The following PIGN variants were observed in gnomAD, a reference collection of about 807,000 sequenced individuals.
PIGN encodes the protein GPI ethanolamine phosphate transferase 1.
A neutral mutation model predicts 125.4 loss-of-function variants in PIGN; 117 were observed. The observed-to-expected ratio is 0.93, with a 90% confidence interval of 0.80 to 1.09. The LOEUF is 1.09. Among genes scored for constraint, PIGN ranks in the 50% least tolerant of loss-of-function variants. PIGN has a pLI of 0.00. For missense variants in PIGN, 1,075 were observed against 1,094.9 expected, an observed-to-expected ratio of 0.98 and a Z score of 0.26; for synonymous variants, 392 against 377.8, an observed-to-expected ratio of 1.04 and a Z score of -0.44.
intron 30 of PIGN, 89 bp from the exon 31 acceptor site, chr18:62,046,068 T>C: frequency 1.5e-6 from 2 of 1,354,508 alleles, no homozygotes; most frequent in Non-Finnish European, 2.0e-6. Context: ...AATGGACAGA[T>C]GAAAATCTCC....
chr18:62,059,611 G>C (rs957132091), intron 30 of PIGN, among the ~76,000 whole-genome samples: 5 of 152,152 alleles, frequency 3.3e-5, no homozygotes, highest in Non-Finnish European at 5.9e-5. Flanking sequence ...AATCTGTAGA[G>C]ACAGAAAGCA....
chr18:62,091,704 C>G (rs892082467), intron 23 of PIGN, among the ~76,000 whole-genome samples: 2 of 152,102 alleles, frequency 1.3e-5, no homozygotes, highest in African/African-American at 4.8e-5. Flanking sequence ...GTGATAGAAG[C>G]CTTTTCTAAA....
rs147384293 is a variant in PIGN at position 62,105,880 on chromosome 18, A to G, written c.1768-246T>C. Among the ~76,000 whole-genome samples, 728 of 152,328 alleles carry G rather than the reference A, an allele frequency of 4.8e-3. 9 individuals carry two copies. The highest frequency in any genetic ancestry group is 0.017 in the African/African-American group (696 of 41,574). On this transcript the variant is annotated intron_variant, in intron 19 of 30. Transcript: ENST00000640252. The stretch of plus-strand genomic sequence containing the variant: ...TTAGGTATAATATGAGCACTTTCTC[A>G]TTTAATTCTCACAATAACCTCAAGA...
At chr18:62,062,103 T>G (rs1304870119) in intron 30 of PIGN, among the ~76,000 whole-genome samples, 1 of 152,088 alleles carries the variant, frequency 6.6e-6, no homozygotes, top group African/African-American at 2.4e-5. Context: ...AAGAAAAACA[T>G]CACATTGCAG....
Position 62,044,373 on chromosome 18 carries a change from C to G in PIGN, c.*1483G>C, listed in dbSNP as rs528054553. The G allele has an allele frequency of 6.6e-6, 1 of 152,104 alleles. No individual in the cohort carries two copies. The highest frequency in any genetic ancestry group is 1.5e-5 in the Non-Finnish European group (1 of 68,018). 9.4% of individuals were successfully genotyped at this position (152,104 alleles called of 1,614,324 possible). The stretch of plus-strand genomic sequence containing the variant: ...GTGTGAAAAAAACTGATAAAAAAAT[C>G]CTTTGAGGTAATATGAAAGTTCATG... On this transcript the variant is annotated 3_prime_UTR_variant, in exon 31 of 31. Coordinates refer to ENST00000640252, the MANE Select transcript of PIGN (RefSeq NM_176787.5).
chr18:62,139,843 G>A (rs1326517414), intron 12 of PIGN, among the ~76,000 whole-genome samples: 13 of 152,160 alleles, frequency 8.5e-5, no homozygotes, highest in Admixed American at 8.5e-4. Flanking sequence ...ATGGGATCAT[G>A]GCTGTGGTTC....
chr18:62,172,575 A>C (rs896985867), intron 1 of PIGN, among the ~76,000 whole-genome samples: 2 of 152,004 alleles, frequency 1.3e-5, no homozygotes, highest in African/African-American at 4.8e-5. Flanking sequence ...GTAAATGCAA[A>C]TGTGCATTTG....
At chr18:62,138,097 A>G in intron 14 of PIGN, 146 bp downstream of exon 14, 1 of 1,126,100 alleles carries the variant, frequency 8.9e-7, no homozygotes, top group Non-Finnish European at 1.2e-6. Context: ...CAACAGCAAT[A>G]GAAGAGGATT....
intron 23 of PIGN, among the ~76,000 whole-genome samples, chr18:62,027,679 T>G (rs2030141063): frequency 6.6e-6 from 1 of 152,202 alleles, no homozygotes. Flanking sequence ...AGGTTTGCCC[T>G]GAACAGGTCC....
chr18:62,175,381 T>C (rs1329739377), intron 1 of PIGN, among the ~76,000 whole-genome samples: 1 of 152,158 alleles, frequency 6.6e-6, no homozygotes, highest in Non-Finnish European at 1.5e-5. Context: ...AGGAATTTTA[T>C]ACACAGGTAC....
At position 62,076,304 on chromosome 18, in the gene PIGN, C is replaced by T. The variant is rs9962049; in HGVS notation, c.2577-1483G>A. Among the ~76,000 whole-genome samples, 1,521 of 152,302 alleles carry T rather than the reference C, an allele frequency of 1.0e-2. 20 individuals are homozygous for T. Among genetic ancestry groups the T allele is most frequent in the East Asian group, 0.049 (254 of 5,186 alleles). ...AACTTTTCATTGTCTTATTTGCCAT[C>T]TGTATATCTTCTTCAGGTGTTTTGC... On this transcript the variant is annotated intron_variant, in intron 28 of 30. Transcript: ENST00000640252.
intron 30 of PIGN, chr18:62,070,079 A>T: frequency 4.8e-6 from 1 of 206,228 alleles, no homozygotes. Flanking sequence ...GAAGCTTATT[A>T]GATGCCAGGC....
intron 7 of PIGN, among the ~76,000 whole-genome samples, chr18:62,149,945 A>T (rs1424487516): frequency 6.6e-6 from 1 of 152,198 alleles, no homozygotes; most frequent in Non-Finnish European, 1.5e-5. Flanking sequence ...AATCTAAGTT[A>T]ATATACTTAT....
Position 62,043,939 on chromosome 18 carries a change from T to C in PIGN, c.*1917A>G, listed in dbSNP as rs1304530425. 1 of 152,248 alleles carries C rather than the reference T, an allele frequency of 6.6e-6. No individual in the cohort carries two copies. The highest frequency in any genetic ancestry group is 6.5e-5 in the Admixed American group (1 of 15,290). 9.4% of individuals were successfully genotyped at this position (152,248 alleles called of 1,614,324 possible). On this transcript the variant is annotated 3_prime_UTR_variant, in exon 31 of 31. Coordinates refer to ENST00000640252, the MANE Select transcript of PIGN (RefSeq NM_176787.5). ...ATACTTTTTCCCTAACTCGTTTCTTTTTTCTGTTTTGCAACATAAAAATAT... is the reference window on the plus strand; with the variant it reads ...ATACTTTTTCCCTAACTCGTTTCTTCTTTCTGTTTTGCAACATAAAAATAT...
rs141071998 is a variant in PIGN at position 62,155,467 on chromosome 18, G to C, written c.443-816C>G. Among the ~76,000 whole-genome samples the C allele has an allele frequency of 6.5e-3, 993 of 152,272 alleles. 6 individuals are homozygous for C. The highest frequency in any genetic ancestry group is 0.01 in the Non-Finnish European group (710 of 68,018). On this transcript the variant is annotated intron_variant, in intron 6 of 30. Transcript: ENST00000640252. Reference sequence around the variant, plus strand: ...GCTTGTAATCCCAGCTACTCAGGGGGCTGAGGCAGAAGAATCGCTTGAACC... The same window carrying C: ...GCTTGTAATCCCAGCTACTCAGGGGCCTGAGGCAGAAGAATCGCTTGAACC...
At chr18:62,132,874 A>G (rs1381901343) in intron 14 of PIGN, among the ~76,000 whole-genome samples, 1 of 149,392 alleles carries the variant, frequency 6.7e-6, no homozygotes, top group Non-Finnish European at 1.5e-5. Context: ...CAAATGGTCA[A>G]TTTTCTTAGT....
intron 1 of PIGN, among the ~76,000 whole-genome samples, chr18:62,176,290 G>GT (rs1414939397): frequency 2.6e-5 from 4 of 151,802 alleles, no homozygotes; most frequent in African/African-American, 9.7e-5. Context: ...ATTAATTCAG[G>GT]TAGCAGGAAT....
chr18:62,054,109 G>C lies in PIGN; in HGVS notation c.2673-8130C>G, dbSNP rs9319995. On this transcript the variant is annotated intron_variant, in intron 30 of 30. Coordinates refer to ENST00000640252, the MANE Select transcript of PIGN (RefSeq NM_176787.5). ...ACACAGCTAAAGCAAGCGCAGACGG[G>C]GAAGCAGACCCATGCAAATCTGCAC... Among the ~76,000 whole-genome samples, 505 of 152,144 alleles carry C rather than the reference G, an allele frequency of 3.3e-3. 1 individual carries two copies. Among genetic ancestry groups the C allele is most frequent in the African/African-American group, 0.012 (496 of 41,532 alleles).
intron 1 of PIGN, among the ~76,000 whole-genome samples, chr18:62,178,312 A>T (rs2037597308): frequency 6.6e-6 from 1 of 151,848 alleles, no homozygotes. Context: ...AGATTTTAGA[A>T]TCCCAAAACA....
Sources: allele counts gnomAD v4.1 joint callset (sites outside exome capture counted in the v4.1 genomes callset), GRCh38; gene constraint gnomAD v4.1.1; transcripts MANE v1.5; gene names NCBI Gene and HGNC (gene_info 2026-07-23, HGNC 2026-07-21).